SYNE1: variants seen among roughly 807,000 people sequenced by gnomAD.
SYNE1 encodes spectrin repeat containing nuclear envelope protein 1.
Under a neutral mutation model 1,111.0 loss-of-function variants are expected in SYNE1, and 616 were observed. The observed-to-expected ratio is 0.55, with a 90% CI of 0.52 to 0.59. SYNE1 has a LOEUF of 0.59. Ranked by LOEUF, SYNE1 falls within the 20% of genes least tolerant of loss-of-function variation. The pLI is 0.00. For synonymous variants in SYNE1, 3,855 were observed against 3,825.8 expected (o/e 1.01, Z -0.28); for missense variants, 10,006 against 10,417.0 (o/e 0.96, Z 1.72).
rs1022569102 is a variant in SYNE1, at chr6:152,497,018, C to A, written c.939+1724G>T. Among the ~76,000 whole-genome samples the A allele has an allele frequency of 6.6e-5, 10 of 152,222 alleles. No homozygotes were observed. In the South Asian group the frequency reaches 2.1e-3, roughly 32 times the overall value. Reference sequence around the variant, plus strand: ...AAACCCCTTTGACTGTAATTTTCCACTACCCACCCAAATCCTATAAAACTG... The same window carrying A: ...AAACCCCTTTGACTGTAATTTTCCAATACCCACCCAAATCCTATAAAACTG... On this transcript the variant is annotated intron_variant, in intron 11 of 145. Transcript: ENST00000367255.
chr6:152,440,849 G>A lies in SYNE1; in HGVS notation c.4149+281C>T, dbSNP rs147618936. Among the ~76,000 whole-genome samples, 330 of 152,010 alleles carry A rather than the reference G, an allele frequency of 2.2e-3. 2 individuals carry two copies. The highest frequency in any genetic ancestry group is 7.7e-3 in the African/African-American group (319 of 41,456). On this transcript the variant is annotated intron_variant, in intron 32 of 145. Transcript: ENST00000367255. ...CCAAAATGCTGGGATTACAGGAGTT[G>A]AGTCACAGCGCGCGGCCTGCCTCCA...
chr6:152,213,265 T>A (rs1420910542), intron 123 of SYNE1, among the ~76,000 whole-genome samples: 1 of 152,184 alleles, frequency 6.6e-6, no homozygotes, highest in East Asian at 1.9e-4. Flanking sequence ...GTCCTTGGCA[T>A]ATTAAAGTAG....
At chr6:152,195,159 G>C (rs1342454758) in intron 127 of SYNE1, among the ~76,000 whole-genome samples, 1 of 152,150 alleles carries the variant, frequency 6.6e-6, no homozygotes, top group Non-Finnish European at 1.5e-5. Flanking sequence ...GACCTCAGGT[G>C]ATCCACCCAC....
intron 74 of SYNE1, among the ~76,000 whole-genome samples, chr6:152,342,050 T>TC (rs1240559306): frequency 2.0e-5 from 3 of 152,168 alleles, no homozygotes; most frequent in African/African-American, 7.2e-5. Context: ...TCCAAGTGTC[T>TC]CCACCACCTC....
intron 131 of SYNE1, among the ~76,000 whole-genome samples, 169 bp downstream of exon 131, chr6:152,163,994 C>T (rs1252150661): frequency 2.0e-5 from 3 of 152,188 alleles, no homozygotes; most frequent in Non-Finnish European, 4.4e-5. Context: ...TGACATGGAA[C>T]CTGTTGGCCT....
At position 152,340,465 on chromosome 6, in the gene SYNE1, T is replaced by G. The variant is rs561879256; in HGVS notation, c.12226-1099A>C. Among the ~76,000 whole-genome samples, 25 of 152,302 alleles carry G rather than the reference T, an allele frequency of 1.6e-4. No homozygotes were observed. In the South Asian group the frequency reaches 5.0e-3, roughly 30 times the overall value. On this transcript the variant is annotated intron_variant, in intron 74 of 145. Transcript: ENST00000367255. The stretch of plus-strand genomic sequence containing the variant: ...GGCTGACTTATAGCTTGCTAGAACG[T>G]CAGCAGCATCCTTCGCGTCTACCCA...
In SYNE1 at chr6:152,508,431, A is replaced by G. The variant is rs191781244; in HGVS notation, c.581+1762T>C. ...CTTTGAGCTGTCACCAGACTCTTGCACATCTTTGAAACCCAACATAGCATG... is the reference window on the plus strand; with the variant it reads ...CTTTGAGCTGTCACCAGACTCTTGCGCATCTTTGAAACCCAACATAGCATG... On this transcript the variant is annotated intron_variant, in intron 8 of 145. Coordinates refer to ENST00000367255, the MANE Select transcript of SYNE1 (RefSeq NM_182961.4). Among the ~76,000 whole-genome samples, 51 of 152,352 alleles carry G rather than the reference A, an allele frequency of 3.3e-4. 1 individual carries two copies. The highest frequency in any genetic ancestry group is 3.3e-3 in the Admixed American group (51 of 15,300).
chr6:152,143,361 C>G (rs538828523), intron 138 of SYNE1, among the ~76,000 whole-genome samples: 1 of 152,154 alleles, frequency 6.6e-6, no homozygotes, highest in Admixed American at 6.5e-5. Flanking sequence ...TTTTGTTGCT[C>G]TCAATGAAAA....
At position 152,505,286 on chromosome 6, in the gene SYNE1, T is replaced by C. The variant is rs777001304; in HGVS notation, c.693A>G (p.Lys231=). 3 of 1,614,164 alleles carry C rather than the reference T, an allele frequency of 1.9e-6. No homozygotes were observed. Among genetic ancestry groups the C allele is most frequent in the Non-Finnish European group, 2.5e-6 (3 of 1,180,018 alleles). The change falls in exon 9 of 146, where the codon AAA becomes AAG. Residue 231 remains lysine (K), a synonymous_variant. Coordinates refer to ENST00000367255, the MANE Select transcript of SYNE1 (RefSeq NM_182961.4). ...CCAAATTTTCTCGGTTGGATCTGCC[T>C]TTCACTGTCTCCAAGTCCACCAATT... ...RPELVDLETV[K]GRSNRENLED... is the part of the protein sequence containing the mutation.
chr6:152,562,364 A>G (rs2099397823), intron 3 of SYNE1, among the ~76,000 whole-genome samples: 1 of 152,208 alleles, frequency 6.6e-6, no homozygotes, highest in Non-Finnish European at 1.5e-5. Context: ...CTCATGCATT[A>G]GGATGTATAT....
chr6:152,137,868 C>T, intron 140 of SYNE1, among the ~76,000 whole-genome samples: 1 of 152,132 alleles, frequency 6.6e-6, no homozygotes, highest in East Asian at 1.9e-4. Context: ...AAAATACAGA[C>T]AGGAAGCATC....
Position 152,124,449 on chromosome 6 carries a change from G to A in SYNE1, c.26154-1773C>T, listed in dbSNP as rs186072126. On this transcript the variant is annotated intron_variant, in intron 145 of 145. Transcript: ENST00000367255. ...CTTTTCTGAAATCCACACAAGTAAC[G>A]GCAGGGTAATGTAACCTTGAACAAC... 2.1e-3 allele frequency among the ~76,000 whole-genome samples: 320 copies of A among 152,294 alleles called. 1 individual carries two copies. The highest frequency in any genetic ancestry group is 7.0e-3 in the African/African-American group (289 of 41,550).
chr6:152,313,446 C>T (rs951174786), intron 87 of SYNE1, among the ~76,000 whole-genome samples: 2 of 151,206 alleles, frequency 1.3e-5, no homozygotes, highest in African/African-American at 4.9e-5. Context: ...TTAGAAAAAA[C>T]ACAATGGATT....
intron 10 of SYNE1, among the ~76,000 whole-genome samples, chr6:152,501,163 A>C (rs2099027814): frequency 6.6e-6 from 1 of 152,034 alleles, no homozygotes; most frequent in African/African-American, 2.4e-5. Flanking sequence ...AAGGAAGAGG[A>C]GGAGCAACTT....
rs115717863 is a variant in SYNE1 at position 152,409,018 on chromosome 6, G to T, written c.6540+50C>A. 1,499 of 1,573,386 alleles carry T rather than the reference G, an allele frequency of 9.5e-4. 18 individuals carry two copies. In the African/African-American group the frequency reaches 0.018, roughly 19 times the overall value. On this transcript the variant is annotated intron_variant, in intron 44 of 145. Transcript: ENST00000367255. ...AACGCTTTGTCCAAAAATTTGATTG[G>T]GGAATGTGAATATTTAAATAGTTCA...
At chr6:152,197,379 A>G (rs1227610626) in intron 127 of SYNE1, among the ~76,000 whole-genome samples, 2 of 152,256 alleles carry the variant, frequency 1.3e-5, no homozygotes, top group African/African-American at 4.8e-5. Flanking sequence ...GAATGTTCTT[A>G]CTGCCATCTG....
chr6:152,397,830 GTC>G (rs2097759318), intron 49 of SYNE1, among the ~76,000 whole-genome samples: 1 of 151,754 alleles, frequency 6.6e-6, no homozygotes. Context: ...GTGAAACCTC[GTC>G]TCTACTAAAA....
intron 48 of SYNE1, among the ~76,000 whole-genome samples, chr6:152,399,053 G>T (rs548676372): frequency 6.6e-6 from 1 of 152,174 alleles, no homozygotes; most frequent in Non-Finnish European, 1.5e-5. Flanking sequence ...TGTAAAAAGT[G>T]CAAGGAGAGA....
At chr6:152,485,973 G>T (rs142559273) in intron 12 of SYNE1, among the ~76,000 whole-genome samples, 1,949 of 152,170 alleles carry the variant, frequency 0.013, 37 homozygotes, top group African/African-American at 0.044. Context: ...GAGGCGGGCG[G>T]ATCATGAGGT....
Sources: allele counts gnomAD v4.1 joint callset (sites outside exome capture counted in the v4.1 genomes callset), GRCh38; gene constraint gnomAD v4.1.1; transcripts MANE v1.5; gene names NCBI Gene and HGNC (gene_info 2026-07-23, HGNC 2026-07-21).